RBX1: variants seen among roughly 807,000 people sequenced by gnomAD.
The protein encoded by RBX1 is ring-box 1.
For missense variants in RBX1, 46 were observed against 141.4 expected (o/e 0.33, Z 3.42); for synonymous variants, 48 against 47.9 (o/e 1.00, Z -0.01).
intron 3 of RBX1, 188 bp downstream of exon 3, chr22:40,964,305 C>G (rs2058348331): frequency 2.0e-6 from 1 of 494,762 alleles, no homozygotes; most frequent in Non-Finnish European, 3.6e-6. Context: ...ATTACAGTTA[C>G]TGCAAAGAGG....
At chr22:40,964,876 G>A (rs531947102) in intron 3 of RBX1, among the ~76,000 whole-genome samples, 5 of 152,240 alleles carry the variant, frequency 3.3e-5, no homozygotes, top group South Asian at 2.1e-4. Context: ...GGCATTTAAC[G>A]TCTCCAATCC....
chr22:40,957,556 T>C (rs1426575215), intron 2 of RBX1, among the ~76,000 whole-genome samples: 2 of 152,140 alleles, frequency 1.3e-5, no homozygotes, highest in African/African-American at 4.8e-5. Flanking sequence ...GAAGATCCCT[T>C]GAGCCCGGGA....
intron 1 of RBX1, among the ~76,000 whole-genome samples, chr22:40,952,952 C>G (rs930832609): frequency 2.7e-5 from 4 of 149,802 alleles, no homozygotes; most frequent in Admixed American, 6.6e-5. Context: ...CAACTGCCAC[C>G]AAAACCTGCA....
At chr22:40,970,057 A>AC (rs1020750732) in intron 4 of RBX1, among the ~76,000 whole-genome samples, 5 of 149,932 alleles carry the variant, frequency 3.3e-5, no homozygotes, top group African/African-American at 7.3e-5. Context: ...CCAATTTAAA[A>AC]AAAAAAAAAA....
chr22:40,958,902 C>T (rs1406913945), intron 2 of RBX1, among the ~76,000 whole-genome samples: 3 of 151,924 alleles, frequency 2.0e-5, no homozygotes, highest in Admixed American at 2.0e-4. Flanking sequence ...CAACCTCTGC[C>T]TCCCAGGTTC....
intron 2 of RBX1, among the ~76,000 whole-genome samples, chr22:40,961,055 C>T (rs1020954208): frequency 9.4e-5 from 14 of 149,534 alleles, no homozygotes; most frequent in Admixed American, 4.7e-4. Context: ...TGAGCCACCA[C>T]GCCCGGCCGA....
rs111968065 is a variant in RBX1, at chr22:40,969,079, C to T, written c.314+1195C>T. 1.7e-3 allele frequency among the ~76,000 whole-genome samples: 264 copies of T among 151,674 alleles called. 6 individuals are homozygous for T. The East Asian group carries it at 0.048, about 28-fold the overall frequency. On this transcript the variant is annotated intron_variant, in intron 4 of 4. Coordinates refer to ENST00000216225, the MANE Select transcript of RBX1 (RefSeq NM_014248.4). ...CTGTAATCCCAGCACTTTGGGAGGC[C>T]GAGGCAGGCGGATCACCTGAGGTTG...
chr22:40,965,312 A>T (rs2058351136), intron 3 of RBX1, among the ~76,000 whole-genome samples: 1 of 152,112 alleles, frequency 6.6e-6, no homozygotes, highest in Non-Finnish European at 1.5e-5. Context: ...CAAAAAAAAA[A>T]AAATCTAAAT....
intron 4 of RBX1, among the ~76,000 whole-genome samples, chr22:40,970,023 T>C (rs2058364549): frequency 6.8e-6 from 1 of 146,162 alleles, no homozygotes; most frequent in Non-Finnish European, 1.5e-5. Context: ...ATCATGCCAC[T>C]GCACTCCAGC....
At chr22:40,957,920 G>T (rs1408156914) in intron 2 of RBX1, among the ~76,000 whole-genome samples, 2 of 152,156 alleles carry the variant, frequency 1.3e-5, no homozygotes, top group African/African-American at 4.8e-5. Flanking sequence ...CACCTTCTGG[G>T]TTCAAACAAT....
intron 2 of RBX1, among the ~76,000 whole-genome samples, chr22:40,962,549 G>T (rs1436633943): frequency 1.4e-5 from 2 of 142,398 alleles, no homozygotes; most frequent in Non-Finnish European, 3.0e-5. Flanking sequence ...AGGCTGGAGT[G>T]CAGTGGCGCA....
At chr22:40,965,423 T>TG (rs2058351506) in intron 3 of RBX1, among the ~76,000 whole-genome samples, 1 of 143,904 alleles carries the variant, frequency 6.9e-6, no homozygotes, top group Non-Finnish European at 1.5e-5. Flanking sequence ...TGGTTTTTTG[T>TG]TTTTTTTTTT....
chr22:40,970,532 A>G (rs1016425456), intron 4 of RBX1, among the ~76,000 whole-genome samples: 17 of 152,050 alleles, frequency 1.1e-4, no homozygotes, highest in Admixed American at 2.0e-4. Context: ...ATAGGTGACA[A>G]TCAGTATTCG....
At chr22:40,963,935 T>A in intron 2 of RBX1, 112 bp from the exon 3 acceptor site, 1 of 757,556 alleles carries the variant, frequency 1.3e-6, no homozygotes, top group East Asian at 2.5e-5. Flanking sequence ...TTTCCCACAT[T>A]CATTAAAAAA....
chr22:40,953,687 C>A (rs925284765), intron 2 of RBX1, 54 bp downstream of exon 2: 113 of 1,269,924 alleles, frequency 8.9e-5, no homozygotes, highest in Middle Eastern at 1.9e-4. Context: ...GAGATTGTGG[C>A]TATCTTGATG....
At chr22:40,955,854 C>T (rs1015404073) in intron 2 of RBX1, among the ~76,000 whole-genome samples, 2 of 152,138 alleles carry the variant, frequency 1.3e-5, no homozygotes, top group African/African-American at 4.8e-5. Flanking sequence ...AGATCAGCAC[C>T]TACCATAATG....
At position 40,966,095 on chromosome 22, in the gene RBX1, G is replaced by A. The variant is rs562608452; in HGVS notation, c.229-1704G>A. 8 of 152,204 alleles carry A rather than the reference G, an allele frequency of 5.3e-5. No individual in the cohort carries two copies. In the East Asian group the frequency reaches 1.4e-3, roughly 26 times the overall value. The allele number at this position is 152,204 out of a possible 1,614,324, so 9.4% of individuals were successfully genotyped here. ...TGAATTAGGCAAGTCACTTGTCTGG[G>A]TTTCAGTTTCCTGTCTGTAAAATGA... is the stretch of plus-strand genomic sequence containing the variant. On this transcript the variant is annotated intron_variant, in intron 3 of 4. Coordinates refer to ENST00000216225, the MANE Select transcript of RBX1 (RefSeq NM_014248.4).
chr22:40,959,599 C>A (rs963265688), intron 2 of RBX1, among the ~76,000 whole-genome samples: 1 of 152,034 alleles, frequency 6.6e-6, no homozygotes, highest in South Asian at 2.1e-4. Flanking sequence ...TCGTGTGAGG[C>A]CAGAAGTGCA....
chr22:40,962,995 C>T (rs1401302046), intron 2 of RBX1, among the ~76,000 whole-genome samples: 1 of 151,654 alleles, frequency 6.6e-6, no homozygotes, highest in Non-Finnish European at 1.5e-5. Context: ...CGCGCCTGGC[C>T]TACTCCTGGC....
Sources: allele counts gnomAD v4.1 joint callset (sites outside exome capture counted in the v4.1 genomes callset), GRCh38; gene constraint gnomAD v4.1.1; transcripts MANE v1.5; gene names NCBI Gene and HGNC (gene_info 2026-07-23, HGNC 2026-07-21).